Variants in SASH1 observed in about 807,000 individuals in gnomAD.
The protein encoded by SASH1 is SAM and SH3 domain containing 1.
SASH1 carries 44 observed loss-of-function variants against 125.2 expected under a neutral mutation model. The ratio of observed to expected loss-of-function variants is 0.35; its 90% confidence interval spans 0.28 to 0.45. The LOEUF (loss-of-function observed/expected upper bound fraction) is 0.45, where lower values mean the gene tolerates loss of function less well. SASH1 is among the 20% of genes least tolerant of loss of function. The pLI, the probability that SASH1 is intolerant of heterozygous loss-of-function variation, is 1.00. For missense variants in SASH1, 1,426 were observed against 1,614.5 expected (o/e 0.88, Z 2.00); for synonymous variants, 639 against 649.1 (o/e 0.98, Z 0.24).
chr6:148,492,358 T>C (rs1392868198), intron 8 of SASH1, among the ~76,000 whole-genome samples: 3 of 152,246 alleles, frequency 2.0e-5, no homozygotes, highest in African/African-American at 7.2e-5. Flanking sequence ...TTCTTCTTAA[T>C]AGTTGGAACA....
the SASH1 span, among the ~76,000 whole-genome samples, chr6:148,265,549 T>C: frequency 6.6e-6 from 1 of 152,204 alleles, no homozygotes; most frequent in Admixed American, 6.5e-5. Flanking sequence ...TCACCTGATG[T>C]ACTTTGAGCT....
At chr6:148,416,737 A>T (rs988290042) in intron 2 of SASH1, among the ~76,000 whole-genome samples, 4 of 152,266 alleles carry the variant, frequency 2.6e-5, no homozygotes, top group African/African-American at 7.2e-5. Context: ...ATAACCCAGG[A>T]TCTGCCCTGG....
At chr6:148,336,909 T>C (rs1781172776) in intron 1 of SASH1, among the ~76,000 whole-genome samples, 1 of 152,238 alleles carries the variant, frequency 6.6e-6, no homozygotes, top group African/African-American at 2.4e-5. Flanking sequence ...CTATTTTACC[T>C]TACTTTAACC....
At chr6:148,293,604 TGGAGGG>T (rs1779690456) in intron 1 of SASH1, among the ~76,000 whole-genome samples, 1 of 151,818 alleles carries the variant, frequency 6.6e-6, no homozygotes, top group Non-Finnish European at 1.5e-5. Flanking sequence ...TCAGCTAGTC[TGGAGGG>T]GGAGGGGGAG....
chr6:148,331,932 C>T (rs1274504453), intron 1 of SASH1, among the ~76,000 whole-genome samples: 1 of 152,148 alleles, frequency 6.6e-6, no homozygotes, highest in Non-Finnish European at 1.5e-5. Context: ...GATCCTTCTG[C>T]CTCAGCCTCC....
At chr6:148,462,286 T>TTTTTC (rs201965865) in intron 4 of SASH1, among the ~76,000 whole-genome samples, 2 of 151,630 alleles carry the variant, frequency 1.3e-5, no homozygotes, top group Admixed American at 1.3e-4. Context: ...CTTTCCTTTC[T>TTTTTC]TTTTCTTTTC....
chr6:148,519,899 T>C lies in SASH1; in HGVS notation c.1209+6T>C, dbSNP rs1562478616. ...TCGGGTCCCTAAGCCACGGGGTAAG[T>C]ACGGATGGTGTTTGCTTCTATGACA... On this transcript the variant is annotated splice_donor_region_variant and intron_variant, in intron 10 of 19. Transcript: ENST00000367467. This position sits in a 1 kb window ranked among gnomAD's most constrained non-coding sequence, Gnocchi z 4.8. 1 of 1,541,510 alleles carries C rather than the reference T, an allele frequency of 6.5e-7. No homozygotes were observed. The highest frequency in any genetic ancestry group is 8.7e-7 in the Non-Finnish European group (1 of 1,145,086).
the SASH1 span, among the ~76,000 whole-genome samples, chr6:148,207,597 G>A: frequency 6.6e-6 from 1 of 152,218 alleles, no homozygotes; most frequent in Non-Finnish European, 1.5e-5. Flanking sequence ...GACACACAAA[G>A]AGAATACGGG....
intron 1 of SASH1, among the ~76,000 whole-genome samples, chr6:148,345,860 G>A (rs185874109): frequency 1.8e-4 from 28 of 152,246 alleles, no homozygotes; most frequent in African/African-American, 6.5e-4. Context: ...ATGTCATGAC[G>A]CTCCATAGTT....
At chr6:148,509,123 T>C (rs920424722) in intron 8 of SASH1, 28 of 352,528 alleles carry the variant, frequency 7.9e-5, no homozygotes, top group South Asian at 1.7e-4. Context: ...TTTGAGACAA[T>C]GAGCATATAT....
At chr6:148,372,796 A>G (rs1455697719) in intron 1 of SASH1, among the ~76,000 whole-genome samples, 1 of 152,168 alleles carries the variant, frequency 6.6e-6, no homozygotes. Context: ...AAACTTAGAA[A>G]AATCTTTGCC....
At chr6:148,360,970 A>C (rs1019116126) in intron 1 of SASH1, among the ~76,000 whole-genome samples, 1 of 152,334 alleles carries the variant, frequency 6.6e-6, no homozygotes, top group East Asian at 1.9e-4. Context: ...GGTGGGCCCT[A>C]GTCCAACATG....
At chr6:148,404,188 A>G (rs934033806) in intron 2 of SASH1, among the ~76,000 whole-genome samples, 2 of 152,210 alleles carry the variant, frequency 1.3e-5, no homozygotes, top group African/African-American at 4.8e-5. Flanking sequence ...AATGAGAAAA[A>G]TCTTTTAAGC....
intron 2 of SASH1, among the ~76,000 whole-genome samples, chr6:148,425,121 G>T (rs1388757795): frequency 6.6e-6 from 1 of 152,158 alleles, no homozygotes; most frequent in African/African-American, 2.4e-5. Context: ...ATGAATTGAA[G>T]CTTCAGGCAT....
chr6:148,477,089 T>C (rs980719420), intron 7 of SASH1, among the ~76,000 whole-genome samples: 1 of 152,162 alleles, frequency 6.6e-6, no homozygotes, highest in South Asian at 2.1e-4. Flanking sequence ...AACAAATCTT[T>C]AAGACTCAAC....
chr6:148,514,128 C>T, intron 8 of SASH1, 196 bp from the exon 9 acceptor site: 1 of 1,352,090 alleles, frequency 7.4e-7, no homozygotes, highest in Non-Finnish European at 9.5e-7. Context: ...GTGCCTAGGA[C>T]CTAATTCTAC....
At chr6:148,412,849 G>A (rs1784680949) in intron 2 of SASH1, among the ~76,000 whole-genome samples, 1 of 152,126 alleles carries the variant, frequency 6.6e-6, no homozygotes, top group Non-Finnish European at 1.5e-5. Flanking sequence ...AGAATACAGA[G>A]AAAGGGTCAT....
At chr6:148,345,609 G>T (rs1396512185) in intron 1 of SASH1, among the ~76,000 whole-genome samples, 1 of 152,208 alleles carries the variant, frequency 6.6e-6, no homozygotes, top group Non-Finnish European at 1.5e-5. Context: ...AGGGAAAGCT[G>T]TCATCCAAGT....
intron 2 of SASH1, among the ~76,000 whole-genome samples, chr6:148,410,799 A>C (rs919125791): frequency 1.3e-5 from 2 of 152,188 alleles, no homozygotes; most frequent in Non-Finnish European, 2.9e-5. Flanking sequence ...ACTGTGAACT[A>C]ACACGCTGTA....
Sources: allele counts gnomAD v4.1 joint callset (sites outside exome capture counted in the v4.1 genomes callset), GRCh38; gene constraint gnomAD v4.1.1; non-coding constraint Gnocchi (gnomAD v3.1); transcripts MANE v1.5; gene names NCBI Gene and HGNC (gene_info 2026-07-23, HGNC 2026-07-21).